PBX4: variants seen among roughly 807,000 people sequenced by gnomAD.
PBX4 encodes the protein PBX homeobox 4.
PBX4 carries 26 observed loss-of-function variants against 35.1 expected under a neutral mutation model. That is an observed-to-expected ratio of 0.74 (90% CI 0.54 to 1.03). PBX4 has a LOEUF of 1.03. PBX4 is among the 50% of genes least tolerant of loss of function. The pLI is 0.00. For missense variants in PBX4, 448 were observed against 504.3 expected (o/e 0.89, Z 1.07); for synonymous variants, 199 against 204.2 (o/e 0.97, Z 0.22).
chr19:19,606,469 C>T (rs2061631951), intron 1 of PBX4: 1 of 152,246 alleles, frequency 6.6e-6, no homozygotes, highest in South Asian at 2.1e-4. Context: ...TTGACTGCAG[C>T]CCTGTGAGAC....
At chr19:19,595,295 T>C (rs936012544) in intron 2 of PBX4, among the ~76,000 whole-genome samples, 2 of 152,166 alleles carry the variant, frequency 1.3e-5, no homozygotes, top group Admixed American at 6.6e-5. Context: ...CCACAGCCAG[T>C]GTCTCCAGGG....
rs547648306 is a variant in PBX4, at chr19:19,561,987, C to A, written c.*38G>T. ...CAAAGCAACGGCTGGCGATACATGGCAGCTCACGCAGCGCTCTTTCCTGCT... is the reference window on the plus strand; with the variant it reads ...CAAAGCAACGGCTGGCGATACATGGAAGCTCACGCAGCGCTCTTTCCTGCT... On this transcript the variant is annotated 3_prime_UTR_variant, in exon 8 of 8. Coordinates refer to ENST00000251203, the MANE Select transcript of PBX4 (RefSeq NM_025245.3). The A allele has an allele frequency of 1.8e-5, 28 of 1,546,476 alleles. No homozygotes were observed. The highest frequency in any genetic ancestry group is 3.4e-4 in the Middle Eastern group (2 of 5,906).
At chr19:19,581,029 G>A (rs1035465806) in intron 2 of PBX4, among the ~76,000 whole-genome samples, 6 of 152,174 alleles carry the variant, frequency 3.9e-5, no homozygotes, top group South Asian at 4.1e-4. Flanking sequence ...CACTACGCCC[G>A]ACCAGATTTT....
chr19:19,591,855 A>G (rs1215586987), intron 2 of PBX4, among the ~76,000 whole-genome samples: 1 of 152,014 alleles, frequency 6.6e-6, no homozygotes, highest in Non-Finnish European at 1.5e-5. Flanking sequence ...GACAAACCTT[A>G]TTTTTTATTT....
chr19:19,611,946 G>A (rs186371095), intron 1 of PBX4, among the ~76,000 whole-genome samples: 17 of 152,076 alleles, frequency 1.1e-4, no homozygotes, highest in Non-Finnish European at 1.9e-4. Flanking sequence ...AAACCAGCCT[G>A]GGCAACATAG....
At chr19:19,568,091 ACCCTCAGGGAGCTCACACTCCATCTGTAT>A (rs2061355095) in intron 5 of PBX4, among the ~76,000 whole-genome samples, 7 of 72,604 alleles carry the variant, frequency 9.6e-5, no homozygotes, top group Admixed American at 1.5e-4. Context: ...TCTATCTGTA[ACCCTCAGGGAGCTCACACTCCATCTGTAT>A]CCCTCAGGGA....
At chr19:19,613,445 CAAAAAAA>C (rs57256131) in intron 1 of PBX4, among the ~76,000 whole-genome samples, 17 of 113,636 alleles carry the variant, frequency 1.5e-4, no homozygotes, top group South Asian at 1.1e-3. Flanking sequence ...GACTCTGTCT[CAAAAAAA>C]AAAAAAAAAA....
At chr19:19,593,169 G>A (rs1168363932) in intron 2 of PBX4, among the ~76,000 whole-genome samples, 1 of 152,158 alleles carries the variant, frequency 6.6e-6, no homozygotes, top group Non-Finnish European at 1.5e-5. Context: ...GGGCTCAAGC[G>A]ATTCCAAAGT....
chr19:19,618,585 C>A lies in PBX4; in HGVS notation c.45G>T (p.Arg15=). 1 of 1,316,934 alleles carries A rather than the reference C, an allele frequency of 7.6e-7. No individual in the cohort carries two copies. The highest frequency in any genetic ancestry group is 2.5e-5 in the South Asian group (1 of 39,710). The allele number at this position is 1,316,934 out of a possible 1,614,324, so 81.6% of individuals were successfully genotyped here. A position where few individuals can be genotyped will look rare whatever the true frequency, so the allele number is the denominator to read the frequency against. The change falls in exon 1 of 8, where the codon CGG becomes CGT. Residue 15 remains arginine, a synonymous_variant. Transcript: ENST00000251203. ...GCAGGACGTCGCTCGTGTCGAGGCG[C>A]CGCGGGGCGGGGGGCGATGGCGCGG... The part of the protein sequence containing the change: ...PRPAPSPPAP[R]RLDTSDVLQQ...
chr19:19,614,126 A>G (rs983700767), intron 1 of PBX4, among the ~76,000 whole-genome samples: 6 of 152,188 alleles, frequency 3.9e-5, no homozygotes, highest in Admixed American at 3.3e-4. Context: ...CAGGAGTTCA[A>G]GACCAGCCTG....
chr19:19,586,186 G>A (rs565288687), intron 2 of PBX4, among the ~76,000 whole-genome samples: 27 of 152,134 alleles, frequency 1.8e-4, no homozygotes, highest in Admixed American at 5.2e-4. Flanking sequence ...GGCTGAGACG[G>A]GAGGATCACT....
In PBX4 at chr19:19,615,071, AGGAGAATTGCTTGAGCCTG is replaced by A. The variant is rs1443731149; in HGVS notation, c.119+3421_119+3439del. Among the ~76,000 whole-genome samples, 53 of 144,816 alleles carry A rather than the reference AGGAGAATTGCTTGAGCCTG, an allele frequency of 3.7e-4. 1 individual carries two copies. The East Asian group carries it at 0.012, about 32-fold the overall frequency. ...TCCCAGCTACTCAGGAGGCTGAGGC[AGGAGAATTGCTTGAGCCTG>A]GGAGGCAGAGGTTGCAGTGAGCTGA... On this transcript the variant is annotated intron_variant, in intron 1 of 7. Coordinates refer to ENST00000251203, the MANE Select transcript of PBX4 (RefSeq NM_025245.3).
chr19:19,561,788 C>A lies in PBX4; in HGVS notation c.*237G>T. On this transcript the variant is annotated 3_prime_UTR_variant, in exon 8 of 8. Transcript: ENST00000251203. Reference sequence around the variant, plus strand: ...CAGACAATTCAATTCATAGCGTTACCATAAAATTACTGTCAAAAAAACGAA... The same window carrying A: ...CAGACAATTCAATTCATAGCGTTACAATAAAATTACTGTCAAAAAAACGAA... 2.2e-6 allele frequency: 1 copy of A among 451,884 alleles called. No individual in the cohort carries two copies. The highest frequency in any genetic ancestry group is 3.8e-5 in the South Asian group (1 of 26,290). The allele number at this position is 451,884 out of a possible 1,614,324, so 28.0% of individuals were successfully genotyped here.
At chr19:19,581,778 TGCTGCCATTGGC>T (rs2061455896) in intron 2 of PBX4, among the ~76,000 whole-genome samples, 1 of 152,182 alleles carries the variant, frequency 6.6e-6, no homozygotes, top group Admixed American at 6.6e-5. Flanking sequence ...GGTCATGCGG[TGCTGCCATTGGC>T]TTTGGGAGCT....
intron 2 of PBX4, chr19:19,588,101 G>A: frequency 1.1e-6 from 1 of 936,758 alleles, no homozygotes; most frequent in Non-Finnish European, 1.7e-6. Flanking sequence ...ACCTCTTCTT[G>A]AAGCCGTATT....
chr19:19,570,706 C>A lies in PBX4; in HGVS notation c.321G>T (p.Arg107Ser). Residue 107 changes from arginine to serine, a missense_variant, in exon 3 of 8, where the codon AGG becomes AGT. Coordinates refer to ENST00000251203, the MANE Select transcript of PBX4 (RefSeq NM_025245.3). The part of the protein sequence containing the change: ...EKRGRGGAVA[R>S]AGTATPGGCP... ...AGCCACCTGGTGTTGCTGTGCCGGC[C>A]CTGGCCACCGCTCCTCCTCTTCCTC... 1 of 1,614,086 alleles carries A rather than the reference C, an allele frequency of 6.2e-7. No individual in the cohort carries two copies. The highest frequency in any genetic ancestry group is 2.2e-5 in the East Asian group (1 of 44,880).
chr19:19,610,553 C>T (rs1275103891), intron 1 of PBX4, among the ~76,000 whole-genome samples: 1 of 152,058 alleles, frequency 6.6e-6, no homozygotes, highest in Non-Finnish European at 1.5e-5. Flanking sequence ...GAGTTCAAGA[C>T]CAGCCTGCCC....
At chr19:19,594,003 C>T (rs537300501) in intron 2 of PBX4, among the ~76,000 whole-genome samples, 2 of 144,724 alleles carry the variant, frequency 1.4e-5, no homozygotes, top group African/African-American at 5.2e-5. Flanking sequence ...GTGGTGTGTG[C>T]GGAAGCTGAG....
At position 19,563,411 on chromosome 19, in the gene PBX4, G is replaced by C; in HGVS notation, c.1032+98C>G. 1 of 969,466 alleles carries C rather than the reference G, an allele frequency of 1.0e-6. No homozygotes were observed. The highest frequency in any genetic ancestry group is 1.6e-5 in the African/African-American group (1 of 60,664). The allele number at this position is 969,466 out of a possible 1,614,324, so 60.1% of individuals were successfully genotyped here. A position where few individuals can be genotyped will look rare whatever the true frequency, so the allele number is the denominator to read the frequency against. ...GGCCTGTGTGGCTGCTGGGACCTCT[G>C]GGGAAGCTGCCCCAAGGCCGAGGGG... On this transcript the variant is annotated intron_variant, in intron 7 of 7. Coordinates refer to ENST00000251203, the MANE Select transcript of PBX4 (RefSeq NM_025245.3). The surrounding 1 kb of genome is among the most constrained non-coding windows in gnomAD (Gnocchi z 5.1).
Sources: allele counts gnomAD v4.1 joint callset (sites outside exome capture counted in the v4.1 genomes callset), GRCh38; gene constraint gnomAD v4.1.1; non-coding constraint Gnocchi (gnomAD v3.1); transcripts MANE v1.5; gene names NCBI Gene and HGNC (gene_info 2026-07-23, HGNC 2026-07-21).